The following HK1 variants were observed in gnomAD, a reference collection of about 807,000 sequenced individuals.
The protein encoded by HK1 is hexokinase-1.
In HK1, 28 loss-of-function variants were observed where a neutral mutation model predicts 91.6. The ratio of observed to expected loss-of-function variants is 0.31; its 90% CI spans 0.23 to 0.42. The LOEUF (loss-of-function observed/expected upper bound fraction) is 0.42, where lower values mean the gene tolerates loss of function less well. HK1 is among the 10% of genes least tolerant of loss of function. The probability of loss-of-function intolerance (pLI) is 1.00; values close to 1 mark genes in which losing one functional copy is unlikely to be tolerated. For synonymous variants in HK1, 430 were observed against 468.1 expected (o/e 0.92, Z 1.05); for missense variants, 770 against 1,219.8 (o/e 0.63, Z 5.49).
intron 1 of HK1, among the ~76,000 whole-genome samples, chr10:69,282,077 C>A (rs1296672386): frequency 6.6e-6 from 1 of 152,200 alleles, no homozygotes; most frequent in Non-Finnish European, 1.5e-5. Flanking sequence ...GTACAACACC[C>A]AGCTCTGCTA....
At chr10:69,389,461 G>T in intron 14 of HK1, 165 bp downstream of exon 14, 11 of 531,370 alleles carry the variant, frequency 2.1e-5, no homozygotes, top group East Asian at 4.0e-5. Flanking sequence ...AGGCAGCAGA[G>T]TCTCTGGCGG....
intron 2 of HK1, among the ~76,000 whole-genome samples, chr10:69,348,515 A>G (rs1183656667): frequency 6.6e-6 from 1 of 152,212 alleles, no homozygotes; most frequent in Non-Finnish European, 1.5e-5. Context: ...TCATGTACAG[A>G]ATTAATTCAT....
intron 17 of HK1, 147 bp from the exon 18 acceptor site, chr10:69,400,844 T>G (rs1840353412): frequency 1.2e-6 from 1 of 849,516 alleles, no homozygotes; most frequent in East Asian, 2.5e-5. Flanking sequence ...CTTCCGATGC[T>G]TATGTCCTGA....
intron 2 of HK1, among the ~76,000 whole-genome samples, chr10:69,347,338 C>T (rs773753766): frequency 4.6e-5 from 7 of 151,444 alleles, no homozygotes; most frequent in Non-Finnish European, 1.0e-4. Context: ...AGAGGGGAGG[C>T]AGGAGACAGG....
In HK1 at chr10:69,271,917, G is replaced by C. The variant is rs554443078; in HGVS notation, c.-391+1809G>C. Among the ~76,000 whole-genome samples the C allele has an allele frequency of 2.2e-3, 342 of 152,018 alleles. 1 individual carries two copies. Among genetic ancestry groups the C allele is most frequent in the African/African-American group, 7.7e-3 (320 of 41,458 alleles). On this transcript the variant is annotated intron_variant, in intron 1 of 21. Coordinates refer to the HK1 transcript ENST00000360289. Reference sequence around the variant, plus strand: ...TTTGCTCTGTTGCCCAGGCTGGAGTGTAGTGGCACAATCTCAGCTCACTGA... The same window carrying C: ...TTTGCTCTGTTGCCCAGGCTGGAGTCTAGTGGCACAATCTCAGCTCACTGA...
intron 8 of HK1, 108 bp from the exon 9 acceptor site, chr10:69,379,754 C>G: frequency 1.2e-6 from 1 of 831,000 alleles, no homozygotes; most frequent in Non-Finnish European, 2.1e-6. Flanking sequence ...CCCATACCAT[C>G]CCACACATGG....
In HK1 at chr10:69,380,719, C is replaced by G. The variant is rs1256039939; in HGVS notation, c.1265+624C>G. Among the ~76,000 whole-genome samples the G allele has an allele frequency of 1.3e-5, 2 of 152,220 alleles. No homozygotes were observed. Among genetic ancestry groups the G allele is most frequent in the Non-Finnish European group, 2.9e-5 (2 of 68,038 alleles). On this transcript the variant is annotated intron_variant, in intron 9 of 17. Coordinates refer to ENST00000359426, the MANE Select transcript of HK1 (RefSeq NM_000188.3). This position sits in a 1 kb window ranked among gnomAD's most constrained non-coding sequence, Gnocchi z 4.0. ...GGAGGTGCTTTGTTCCCCACACAGC[C>G]TTCTGGTCTGTCAGTGGCCCCAGCC...
chr10:69,394,920 A>G lies in HK1; in HGVS notation c.2220-30A>G, dbSNP rs111646944. The G allele has an allele frequency of 9.3e-6, 15 of 1,613,454 alleles. 1 individual carries two copies. In the African/African-American group the frequency reaches 1.1e-4, roughly 11 times the overall value. On this transcript the variant is annotated intron_variant, in intron 15 of 17. Coordinates refer to ENST00000359426, the MANE Select transcript of HK1 (RefSeq NM_000188.3). The stretch of plus-strand genomic sequence containing the variant: ...GACAGTTCTCCTGGCCACTTCCCAT[A>G]GACACCCCAGGCCCCTCCTCCTGTC...
At chr10:69,279,051 T>C (rs1255282800) in intron 1 of HK1, among the ~76,000 whole-genome samples, 1 of 152,206 alleles carries the variant, frequency 6.6e-6, no homozygotes, top group East Asian at 1.9e-4. Flanking sequence ...CATTTCATAG[T>C]AAGTTTCTTT....
intron 2 of HK1, among the ~76,000 whole-genome samples, chr10:69,288,135 C>T (rs796501903): frequency 1.2e-4 from 19 of 152,274 alleles, no homozygotes; most frequent in African/African-American, 4.3e-4. Flanking sequence ...ACCTGGTCAA[C>T]GGACTGAGAC....
intron 2 of HK1, among the ~76,000 whole-genome samples, chr10:69,351,079 G>A (rs909702493): frequency 6.6e-6 from 1 of 151,724 alleles, no homozygotes; most frequent in African/African-American, 2.4e-5. Flanking sequence ...GGAGGCTGAG[G>A]CAGGAGAATG....
At chr10:69,353,921 A>C (rs1849006007) in intron 2 of HK1, among the ~76,000 whole-genome samples, 1 of 152,232 alleles carries the variant, frequency 6.6e-6, no homozygotes, top group Admixed American at 6.5e-5. Context: ...ATTTATAGTG[A>C]TCAGCCAGAA....
chr10:69,339,352 C>T (rs986167745), intron 1 of HK1, among the ~76,000 whole-genome samples: 1 of 152,200 alleles, frequency 6.6e-6, no homozygotes, highest in African/African-American at 2.4e-5. Flanking sequence ...TCCCGAGGAC[C>T]AGTGGAAAGA....
chr10:69,276,118 A>AAAAAAAAAAT, intron 1 of HK1, among the ~76,000 whole-genome samples: 4 of 38,272 alleles, frequency 1.0e-4, no homozygotes, highest in Admixed American at 5.6e-4. Flanking sequence ...AAAAAAAAAA[A>AAAAAAAAAAT]ATACATATAT....
chr10:69,360,046 G>A lies in HK1; in HGVS notation c.375+1G>A. On this transcript the variant is annotated splice_donor_variant, in intron 3 of 17. Coordinates refer to ENST00000359426, the MANE Select transcript of HK1 (RefSeq NM_000188.3). LOFTEE classifies it high-confidence loss of function. ...CATCGTGCACGGCAGTGGAAGCCAG[G>A]TGGGTCCCTGCTCCCTCCGGGTCAC... 6.2e-7 allele frequency: 1 copy of A among 1,613,804 alleles called. No homozygotes were observed.
At chr10:69,312,104 G>C (rs913362607), upstream of HK1, among the ~76,000 whole-genome samples, 1 of 152,180 alleles carries the variant, frequency 6.6e-6, no homozygotes, top group African/African-American at 2.4e-5. Context: ...GAAAACTTCC[G>C]CTTCCCCCTC....
At chr10:69,284,707 C>A (rs146067582) in intron 2 of HK1, among the ~76,000 whole-genome samples, 2,635 of 152,240 alleles carry the variant, frequency 0.017, 38 homozygotes, top group Non-Finnish European at 0.025. Context: ...GGCACAACCT[C>A]GGCTTACTGC....
chr10:69,311,056 CAA>C (rs35246952), upstream of HK1, among the ~76,000 whole-genome samples: 5 of 133,744 alleles, frequency 3.7e-5, no homozygotes, highest in Admixed American at 7.3e-5. Flanking sequence ...GACTCCGTCT[CAA>C]AAAAAAAAAA....
chr10:69,327,000 C>CTTTTTTTTTT (rs1042738695), intron 1 of HK1, among the ~76,000 whole-genome samples: 1 of 110,926 alleles, frequency 9.0e-6, no homozygotes, highest in Non-Finnish European at 1.8e-5. Context: ...TGGTTTTAAA[C>CTTTTTTTTTT]TTTTTTTTTT....
Sources: gnomAD v4.1 joint callset for allele counts (sites outside exome capture counted in the v4.1 genomes callset) on GRCh38, gnomAD v4.1.1 for gene constraint, Gnocchi (gnomAD v3.1) non-coding constraint, MANE v1.5 for transcripts, NCBI Gene and HGNC (gene_info 2026-07-23, HGNC 2026-07-21) for gene names.